GAPVD1: variants seen among roughly 807,000 people sequenced by gnomAD.
The protein encoded by GAPVD1 is GTPase activating protein and VPS9 domains 1.
A neutral mutation model predicts 155.5 loss-of-function variants in GAPVD1; 35 were observed. The observed-to-expected ratio is 0.23, with a 90% CI of 0.17 to 0.30. GAPVD1 has a LOEUF of 0.30. Ranked by LOEUF, GAPVD1 falls within the 10% of genes least tolerant of loss-of-function variation. The probability of loss-of-function intolerance (pLI) is 1.00; values close to 1 mark genes in which losing one functional copy is unlikely to be tolerated. For missense variants in GAPVD1, 1,429 were observed against 1,775.7 expected (o/e 0.80, Z 3.51); for synonymous variants, 636 against 619.7 (o/e 1.03, Z -0.39).
chr9:125,331,875 T>A (rs774174498), intron 13 of GAPVD1, 51 bp from the exon 14 acceptor site: 3 of 1,576,822 alleles, frequency 1.9e-6, no homozygotes, highest in East Asian at 2.2e-5. Flanking sequence ...GCTGAAATTG[T>A]GGTGTGCTAA....
At chr9:125,292,130 G>T (rs115232042) in intron 2 of GAPVD1, among the ~76,000 whole-genome samples, 7 of 152,098 alleles carry the variant, frequency 4.6e-5, no homozygotes, top group South Asian at 2.1e-4. Context: ...ACAGCTACTC[G>T]GGAGGCGGAG....
intron 25 of GAPVD1, among the ~76,000 whole-genome samples, chr9:125,358,716 A>C (rs1482924054): frequency 6.6e-6 from 1 of 152,242 alleles, no homozygotes; most frequent in East Asian, 1.9e-4. Context: ...TTAATATGCC[A>C]GATGGGGCCT....
chr9:125,342,096 C>T (rs1847914919), intron 18 of GAPVD1, 123 bp from the exon 19 acceptor site: 1 of 613,024 alleles, frequency 1.6e-6, no homozygotes, highest in Non-Finnish European at 2.9e-6. Context: ...TCAGTCAACA[C>T]TTGGAATTTC....
rs376687931 is a variant in GAPVD1, at chr9:125,298,891, G to A, written c.-31G>A. On this transcript the variant is annotated splice_region_variant and 5_prime_UTR_variant, in exon 4 of 28. Coordinates refer to ENST00000297933, the MANE Select transcript of GAPVD1 (RefSeq NM_001282680.3). ...AAATCTTTATCTTTTTACTCTTAGT[G>A]ATCAGCCTTTGAGCCTTTCCCACAT... The A allele has an allele frequency of 8.1e-5, 113 of 1,392,220 alleles. No homozygotes were observed. The African/African-American group carries it at 1.3e-3, about 16-fold the overall frequency. The allele number at this position is 1,392,220 out of a possible 1,614,324, so 86.2% of individuals were successfully genotyped here.
chr9:125,351,700 C>T (rs1849308804), intron 23 of GAPVD1, among the ~76,000 whole-genome samples: 1 of 151,958 alleles, frequency 6.6e-6, no homozygotes, highest in Non-Finnish European at 1.5e-5. Flanking sequence ...GGCTCACATC[C>T]AGGTCACGCT....
intron 15 of GAPVD1, 97 bp downstream of exon 15, chr9:125,332,726 G>A: frequency 2.0e-6 from 2 of 977,954 alleles, no homozygotes; most frequent in South Asian, 2.8e-5. Context: ...TGTTGGTATA[G>A]CACTTTGGGA....
chr9:125,353,692 CAAGAG>C (rs1207660275), intron 23 of GAPVD1, among the ~76,000 whole-genome samples: 3 of 152,110 alleles, frequency 2.0e-5, no homozygotes, highest in Non-Finnish European at 4.4e-5. Flanking sequence ...TGGCAGCAGA[CAAGAG>C]AAGAGAGCTT....
intron 8 of GAPVD1, among the ~76,000 whole-genome samples, chr9:125,311,716 T>G (rs1564364836): frequency 1.4e-5 from 2 of 139,296 alleles, no homozygotes; most frequent in South Asian, 4.7e-4. Context: ...AAATTTTCTT[T>G]ATTGTTTCTT....
rs180864109 is a variant in GAPVD1, at chr9:125,319,950, A to T, written c.1603-1483A>T. On this transcript the variant is annotated intron_variant, in intron 9 of 27. Coordinates refer to ENST00000297933, the MANE Select transcript of GAPVD1 (RefSeq NM_001282680.3). The stretch of plus-strand genomic sequence containing the variant: ...TGTAAATGTATAAAACCATTTCAAA[A>T]CCTTTAATTTACTCAGAGCCAAAAC... 7.5e-4 allele frequency among the ~76,000 whole-genome samples: 114 copies of T among 152,182 alleles called. 1 individual carries two copies. Among genetic ancestry groups the T allele is most frequent in the South Asian group, 3.1e-3 (15 of 4,824 alleles).
chr9:125,326,210 A>G (rs1222841082), intron 11 of GAPVD1, among the ~76,000 whole-genome samples: 1 of 152,220 alleles, frequency 6.6e-6, no homozygotes, highest in Non-Finnish European at 1.5e-5. Flanking sequence ...CATATGCAAA[A>G]TGCTAGATTA....
chr9:125,281,134 G>C (rs1836721915), intron 2 of GAPVD1, among the ~76,000 whole-genome samples: 2 of 152,140 alleles, frequency 1.3e-5, no homozygotes, highest in South Asian at 4.1e-4. Flanking sequence ...ATGTTAATGG[G>C]TTCTGGAATG....
Position 125,355,801 on chromosome 9 carries a change from C to T in GAPVD1, c.3915C>T (p.Asn1305=), listed in dbSNP as rs767770991. ...AQLAIERSVM[N]RIFKLAFYPN... ...TGGCCATTGAGCGAAGCGTGATGAA[C>T]CGGATTTTCAAGCTCGCCTTCTACC... Residue 1305 remains asparagine, a synonymous_variant, in exon 25 of 28, where the codon AAC becomes AAT. Transcript: ENST00000297933. 1 of 1,613,386 alleles carries T rather than the reference C, an allele frequency of 6.2e-7. No individual in the cohort carries two copies. The highest frequency in any genetic ancestry group is 1.7e-5 in the Admixed American group (1 of 59,994).
At chr9:125,319,748 T>C (rs925196139) in intron 9 of GAPVD1, among the ~76,000 whole-genome samples, 1 of 151,950 alleles carries the variant, frequency 6.6e-6, no homozygotes, top group Non-Finnish European at 1.5e-5. Context: ...ATTACAGGCG[T>C]ACACCACCAC....
chr9:125,335,413 C>T (rs1473127991), intron 15 of GAPVD1, among the ~76,000 whole-genome samples: 3 of 151,524 alleles, frequency 2.0e-5, no homozygotes, highest in East Asian at 1.9e-4. Flanking sequence ...CGCGGTGGCT[C>T]ACGCCCATAA....
intron 2 of GAPVD1, among the ~76,000 whole-genome samples, chr9:125,272,453 A>T (rs1314815165): frequency 1.3e-5 from 2 of 152,226 alleles, no homozygotes; most frequent in Non-Finnish European, 1.5e-5. Context: ...GTGATAGGCC[A>T]ACTTGGATTC....
At chr9:125,339,863 T>C (rs1472513720) in intron 17 of GAPVD1, among the ~76,000 whole-genome samples, 1 of 152,248 alleles carries the variant, frequency 6.6e-6, no homozygotes, top group Non-Finnish European at 1.5e-5. Context: ...ACTGTTAAGT[T>C]AACTCTTCCC....
At chr9:125,325,519 C>CAAA (rs34510251) in intron 11 of GAPVD1, among the ~76,000 whole-genome samples, 20 of 93,094 alleles carry the variant, frequency 2.1e-4, no homozygotes, top group East Asian at 6.3e-4. Flanking sequence ...GACTCCATCT[C>CAAA]AAAAAAAAAA....
intron 13 of GAPVD1, 72 bp from the exon 14 acceptor site, chr9:125,331,854 G>A (rs1846133907): frequency 7.1e-7 from 1 of 1,413,604 alleles, no homozygotes; most frequent in Admixed American, 1.7e-5. Flanking sequence ...TTGTTTATCT[G>A]GGTCACAAAA....
chr9:125,292,679 C>G (rs887773003), intron 2 of GAPVD1, among the ~76,000 whole-genome samples: 2 of 151,838 alleles, frequency 1.3e-5, no homozygotes, highest in African/African-American at 4.8e-5. Context: ...CGTGAACCAC[C>G]ACGCCCGGCT....
Sources: allele counts gnomAD v4.1 joint callset (sites outside exome capture counted in the v4.1 genomes callset), GRCh38; gene constraint gnomAD v4.1.1; transcripts MANE v1.5; gene names NCBI Gene and HGNC (gene_info 2026-07-23, HGNC 2026-07-21).